CACNA1B: variants seen among roughly 807,000 people sequenced by gnomAD.
CACNA1B encodes the protein calcium voltage-gated channel subunit alpha1 B, also known as voltage-dependent N-type calcium channel subunit alpha-1B.
CACNA1B carries 70 observed loss-of-function variants against 247.2 expected under a neutral mutation model. The ratio of observed to expected loss-of-function variants is 0.28; its 90% CI spans 0.23 to 0.35. The LOEUF (loss-of-function observed/expected upper bound fraction) is 0.35. Ranked by LOEUF, CACNA1B falls within the 10% of genes least tolerant of loss-of-function variation. The probability of loss-of-function intolerance (pLI) is 1.00; values close to 1 mark genes in which losing one functional copy is unlikely to be tolerated. For missense variants in CACNA1B, 2,367 were observed against 3,197.4 expected (o/e 0.74, Z 6.26); for synonymous variants, 1,231 against 1,294.4 (o/e 0.95, Z 1.05).
rs1239887722 is a variant in CACNA1B, at chr9:138,078,406, T to A, written c.5094+148T>A. On this transcript the variant is annotated intron_variant, in intron 36 of 46. Transcript: ENST00000371372. ...CTGATGGCCCTTGTTTCCCCAGAGA[T>A]GGCGACTTTGTTAGCCAGAGAAAGG... 5 of 763,804 alleles carry A rather than the reference T, an allele frequency of 6.5e-6. No individual in the cohort carries two copies. In the African/African-American group the frequency reaches 8.7e-5, roughly 13 times the overall value. 47.3% of individuals were successfully genotyped at this position (763,804 alleles called of 1,614,324 possible).
intron 6 of CACNA1B, among the ~76,000 whole-genome samples, chr9:137,936,445 C>G (rs1957669980): frequency 6.6e-6 from 1 of 152,206 alleles, no homozygotes; most frequent in African/African-American, 2.4e-5. Flanking sequence ...CCTGTTCACT[C>G]TGATGGTAGT....
chr9:138,026,866 G>A (rs554951450), intron 20 of CACNA1B, among the ~76,000 whole-genome samples: 1 of 152,302 alleles, frequency 6.6e-6, no homozygotes, highest in South Asian at 2.1e-4. Flanking sequence ...CAAAGGGACT[G>A]TACCATTTTG....
Position 138,071,019 on chromosome 9 carries a change from C to T in CACNA1B, c.4674+1256C>T, listed in dbSNP as rs150226843. On this transcript the variant is annotated intron_variant, in intron 32 of 46. Coordinates refer to ENST00000371372, the MANE Select transcript of CACNA1B (RefSeq NM_000718.4). ...CTTCCCTGTGACTCTGGCCAGAGGC[C>T]GTGGTGGTCTTGGATACAGGGGATG... Among the ~76,000 whole-genome samples the T allele has an allele frequency of 3.3e-4, 51 of 152,336 alleles. No homozygotes were observed. The East Asian group carries it at 8.9e-3, about 26-fold the overall frequency.
chr9:138,023,103 T>C lies in CACNA1B; in HGVS notation c.2360T>C (p.Leu787Pro). The C allele has an allele frequency of 6.5e-7, 1 of 1,533,860 alleles. No individual in the cohort carries two copies. The highest frequency in any genetic ancestry group is 8.7e-7 in the Non-Finnish European group (1 of 1,147,314). ...LQNLRASCEALYSEMDPEERL... is the reference protein window; with the variant it reads ...LQNLRASCEAPYSEMDPEERL... ...AACCTGCGGGCCAGCTGCGAGGCGC[T>C]GTACAGCGAGATGGACCCCGAGGAG... Residue 787 changes from leucine (L) to proline (P), a missense_variant, in exon 19 of 47, where the codon CTG becomes CCG. By Grantham distance (98) the Leu-to-Pro change is moderately conservative. This residue lies in a region of CACNA1B where 631 missense variants were observed against 631.1 expected (regional missense o/e 1.00). Coordinates refer to ENST00000371372, the MANE Select transcript of CACNA1B (RefSeq NM_000718.4).
intron 31 of CACNA1B, among the ~76,000 whole-genome samples, chr9:138,063,343 A>G (rs1169883193): frequency 6.6e-6 from 1 of 152,174 alleles, no homozygotes; most frequent in African/African-American, 2.4e-5. Flanking sequence ...AAATTTAAAA[A>G]TTTAGCCAGG....
chr9:137,999,059 C>T (rs557334001), intron 15 of CACNA1B, among the ~76,000 whole-genome samples: 6 of 152,210 alleles, frequency 3.9e-5, no homozygotes, highest in South Asian at 2.1e-4. Flanking sequence ...GTAATCCCAG[C>T]GCTTTGGGAG....
At position 138,051,193 on chromosome 9, in the gene CACNA1B, C is replaced by T. The variant is rs960922977; in HGVS notation, c.3711-899C>T. On this transcript the variant is annotated intron_variant, in intron 24 of 46. Transcript: ENST00000371372. This position sits in a 1 kb window ranked among gnomAD's most constrained non-coding sequence, Gnocchi z 4.3. ...GAAATCTCTCCTAGACACTGCTGGC[C>T]CGGCCTCAGTAGGGTCGTGGGAGGT... 2.6e-5 allele frequency among the ~76,000 whole-genome samples: 4 copies of T among 152,062 alleles called. No homozygotes were observed. Among genetic ancestry groups the T allele is most frequent in the Non-Finnish European group, 4.4e-5 (3 of 68,002 alleles).
intron 6 of CACNA1B, among the ~76,000 whole-genome samples, chr9:137,951,898 A>ATGTCTGGTAGCCAGGGAGG (rs1205572790): frequency 6.6e-6 from 1 of 152,116 alleles, no homozygotes; most frequent in Non-Finnish European, 1.5e-5. Context: ...GCTGCCCAGG[A>ATGTCTGGTAGCCAGGGAGG]TGTCTGGTAG....
rs1960165496 is a variant in CACNA1B at position 138,072,450 on chromosome 9, G to A, written c.4675-1038G>A. Among the ~76,000 whole-genome samples, 1 of 152,248 alleles carries A rather than the reference G, an allele frequency of 6.6e-6. No individual in the cohort carries two copies. The highest frequency in any genetic ancestry group is 2.4e-5 in the African/African-American group (1 of 41,470). ...CTCTGCGCCTGCACGTGCTCCTGCT[G>A]CTGCTGTCTCATTTGACATCTGTGT... is the stretch of plus-strand genomic sequence containing the variant. On this transcript the variant is annotated intron_variant, in intron 32 of 46. Transcript: ENST00000371372. The surrounding 1 kb of genome is among the most constrained non-coding windows in gnomAD (Gnocchi z 4.5).
At chr9:138,099,804 C>T (rs1354145825) in intron 37 of CACNA1B, among the ~76,000 whole-genome samples, 2 of 152,246 alleles carry the variant, frequency 1.3e-5, no homozygotes, top group East Asian at 1.9e-4. Flanking sequence ...CTGCTTTTCC[C>T]AGCCTTCCTA....
chr9:138,086,783 A>C lies in CACNA1B; in HGVS notation c.5094+8525A>C, dbSNP rs1003570489. ...AGAAAATCAACAACAAAAAACCCACATTGGCTTTAAAGTGCCTTTTAGTCC... is the reference window on the plus strand; with the variant it reads ...AGAAAATCAACAACAAAAAACCCACCTTGGCTTTAAAGTGCCTTTTAGTCC... On this transcript the variant is annotated intron_variant, in intron 36 of 46. Coordinates refer to ENST00000371372, the MANE Select transcript of CACNA1B (RefSeq NM_000718.4). 1.3e-5 allele frequency among the ~76,000 whole-genome samples: 2 copies of C among 151,196 alleles called. 1 individual carries two copies. The highest frequency in any genetic ancestry group is 1.3e-4 in the Admixed American group (2 of 15,216).
At chr9:137,964,173 G>A (rs981622934) in intron 10 of CACNA1B, among the ~76,000 whole-genome samples, 4 of 152,136 alleles carry the variant, frequency 2.6e-5, no homozygotes, top group Non-Finnish European at 5.9e-5. Context: ...GTGTCTTGGG[G>A]ATGATCTTCT....
At chr9:137,902,411 G>T (rs951927441) in intron 3 of CACNA1B, among the ~76,000 whole-genome samples, 1 of 152,164 alleles carries the variant, frequency 6.6e-6, no homozygotes, top group Admixed American at 6.5e-5. Context: ...TTTTTCTAGA[G>T]CCTAAGGCTT....
At chr9:137,944,677 A>C (rs1589023412) in intron 6 of CACNA1B, among the ~76,000 whole-genome samples, 1 of 152,186 alleles carries the variant, frequency 6.6e-6, no homozygotes, top group Non-Finnish European at 1.5e-5. Context: ...GGTTCTCAGA[A>C]TAGCTTCCTA....
intron 20 of CACNA1B, among the ~76,000 whole-genome samples, chr9:138,036,578 T>C (rs1959049617): frequency 6.6e-6 from 1 of 152,252 alleles, no homozygotes; most frequent in South Asian, 2.1e-4. Context: ...TTCAACATAT[T>C]GAGACTGCTC....
intron 15 of CACNA1B, among the ~76,000 whole-genome samples, chr9:137,999,642 T>G (rs1958541551): frequency 6.6e-6 from 1 of 152,140 alleles, no homozygotes; most frequent in African/African-American, 2.4e-5. Flanking sequence ...CCCAAGTAGC[T>G]GGGGCCATAG....
At chr9:138,095,792 A>G (rs1273251242) in intron 36 of CACNA1B, among the ~76,000 whole-genome samples, 1 of 152,248 alleles carries the variant, frequency 6.6e-6, no homozygotes, top group Non-Finnish European at 1.5e-5. Context: ...GTGAAGTACT[A>G]ATAGATACTA....
intron 6 of CACNA1B, among the ~76,000 whole-genome samples, chr9:137,943,192 A>T (rs533359068): frequency 1.3e-5 from 2 of 152,184 alleles, no homozygotes; most frequent in African/African-American, 2.4e-5. Context: ...ATAACATTTC[A>T]TATGGGCTCA....
At chr9:137,960,110 G>A (rs1336514477) in intron 10 of CACNA1B, among the ~76,000 whole-genome samples, 2 of 145,692 alleles carry the variant, frequency 1.4e-5, no homozygotes, top group African/African-American at 5.1e-5. Flanking sequence ...AGGTCAGCCT[G>A]AGGAACTACT....
Sources: allele counts gnomAD v4.1 joint callset (sites outside exome capture counted in the v4.1 genomes callset), GRCh38; gene constraint gnomAD v4.1.1; regional missense constraint gnomAD v4.1.1; non-coding constraint Gnocchi (gnomAD v3.1); transcripts MANE v1.5; gene names NCBI Gene and HGNC (gene_info 2026-07-23, HGNC 2026-07-21).